The following SLC22A3 variants were observed in gnomAD, a reference collection of about 807,000 sequenced individuals.
The protein encoded by SLC22A3 is solute carrier family 22 member 3, also known as EMT organic cation transporter 3.
SLC22A3 carries 51 observed loss-of-function variants against 59.1 expected under a neutral mutation model. That is an observed-to-expected ratio of 0.86 (90% CI 0.69 to 1.09). The LOEUF (loss-of-function observed/expected upper bound fraction) is 1.09, where lower values mean the gene tolerates loss of function less well. Ranked by LOEUF, SLC22A3 falls within the 50% of genes least tolerant of loss-of-function variation. The pLI is 0.00. For synonymous variants in SLC22A3, 325 were observed against 292.0 expected (o/e 1.11, Z -1.15); for missense variants, 711 against 726.3 (o/e 0.98, Z 0.24).
intron 5 of SLC22A3, among the ~76,000 whole-genome samples, chr6:160,411,905 T>C (rs1787267911): frequency 6.6e-6 from 1 of 152,194 alleles, no homozygotes; most frequent in South Asian, 2.1e-4. Context: ...CTCCAAAGAC[T>C]AAGTGACTAC....
At chr6:160,379,611 C>T (rs1785722839) in intron 1 of SLC22A3, among the ~76,000 whole-genome samples, 2 of 152,042 alleles carry the variant, frequency 1.3e-5, no homozygotes, top group South Asian at 2.1e-4. Context: ...AACACTTGGC[C>T]CATTTTTGGC....
intron 1 of SLC22A3, among the ~76,000 whole-genome samples, chr6:160,370,568 A>G (rs1313917834): frequency 4.6e-5 from 7 of 152,224 alleles, no homozygotes; most frequent in Non-Finnish European, 1.0e-4. Context: ...CAATATGTAC[A>G]TTGGATTTAG....
At chr6:160,369,329 T>C (rs1430645361) in intron 1 of SLC22A3, among the ~76,000 whole-genome samples, 2 of 152,198 alleles carry the variant, frequency 1.3e-5, no homozygotes, top group African/African-American at 2.4e-5. Context: ...ATGCTAACAT[T>C]TTCCAGACTA....
intron 5 of SLC22A3, among the ~76,000 whole-genome samples, chr6:160,420,684 G>C (rs763199037): frequency 6.6e-6 from 1 of 152,188 alleles, no homozygotes; most frequent in Non-Finnish European, 1.5e-5. Flanking sequence ...CCAAAAAAAT[G>C]TCTCAGGCAA....
chr6:160,446,038 T>A (rs1788730431), intron 9 of SLC22A3, among the ~76,000 whole-genome samples: 1 of 152,018 alleles, frequency 6.6e-6, no homozygotes, highest in African/African-American at 2.4e-5. Flanking sequence ...GCAGGAGGCC[T>A]AGGACAGAGA....
At chr6:160,357,396 C>T (rs1243880829) in intron 1 of SLC22A3, among the ~76,000 whole-genome samples, 1 of 152,136 alleles carries the variant, frequency 6.6e-6, no homozygotes, top group Non-Finnish European at 1.5e-5. Flanking sequence ...ACACTTCTGC[C>T]AACGGGAAGC....
At chr6:160,399,123 TTC>T (rs1192586202) in intron 2 of SLC22A3, among the ~76,000 whole-genome samples, 1 of 152,176 alleles carries the variant, frequency 6.6e-6, no homozygotes, top group Non-Finnish European at 1.5e-5. Flanking sequence ...CACTTTTTCT[TTC>T]TCTTTCATGT....
At chr6:160,422,293 A>G (rs1246471742) in intron 5 of SLC22A3, among the ~76,000 whole-genome samples, 1 of 152,238 alleles carries the variant, frequency 6.6e-6, no homozygotes, top group Non-Finnish European at 1.5e-5. Context: ...AAAGTAAGTA[A>G]GTGAGAAAAC....
Position 160,348,411 on chromosome 6 carries a change from G to T in SLC22A3, c.-9G>T, listed in dbSNP as rs771162735. 7 of 1,449,546 alleles carry T rather than the reference G, an allele frequency of 4.8e-6. No homozygotes were observed. Among genetic ancestry groups the T allele is most frequent in the Non-Finnish European group, 6.3e-6 (7 of 1,107,008 alleles). 89.8% of individuals were successfully genotyped at this position (1,449,546 alleles called of 1,614,324 possible). On this transcript the variant is annotated 5_prime_UTR_variant, in exon 1 of 11. Transcript: ENST00000275300. Reference sequence around the variant, plus strand: ...GCGCGGGCTGCGGGCGGCGGGCGGCGGGCGCACCATGCCCTCCTTCGACGA... The same window carrying T: ...GCGCGGGCTGCGGGCGGCGGGCGGCTGGCGCACCATGCCCTCCTTCGACGA...
rs769783404 is a variant in SLC22A3 at position 160,447,715 on chromosome 6, A to G, written c.1511-4A>G. ...AGCGGTAACACCTTTCCCCTATTCC[A>G]TAGGTATCCTGGCATCCATCTGTGG... On this transcript the variant is annotated splice_region_variant and splice_polypyrimidine_tract_variant and intron_variant, in intron 9 of 10. Coordinates refer to ENST00000275300, the MANE Select transcript of SLC22A3 (RefSeq NM_021977.4). 2.5e-6 allele frequency: 4 copies of G among 1,613,544 alleles called. No homozygotes were observed. The highest frequency in any genetic ancestry group is 1.7e-6 in the Non-Finnish European group (2 of 1,179,512).
chr6:160,415,300 C>T lies in SLC22A3; in HGVS notation c.975+4454C>T, dbSNP rs577632301. Among the ~76,000 whole-genome samples the T allele has an allele frequency of 7.2e-5, 11 of 152,300 alleles. No homozygotes were observed. Among genetic ancestry groups the T allele is most frequent in the South Asian group, 2.1e-4 (1 of 4,830 alleles). On this transcript the variant is annotated intron_variant, in intron 5 of 10. Transcript: ENST00000275300. The surrounding 1 kb of genome is among the most constrained non-coding windows in gnomAD (Gnocchi z 4.1). ...TGAGCAGAAAACCTCTTCGTGATGA[C>T]GCAGAAGGACTGGCCAGCAGGGTAG... is the stretch of plus-strand genomic sequence containing the variant.
chr6:160,438,168 G>A (rs1788419483), intron 7 of SLC22A3, among the ~76,000 whole-genome samples: 1 of 152,166 alleles, frequency 6.6e-6, no homozygotes, highest in Admixed American at 6.5e-5. Flanking sequence ...CTCCATGCCT[G>A]GTAGATGGGG....
chr6:160,425,062 A>C (rs1211860633), intron 5 of SLC22A3, among the ~76,000 whole-genome samples: 1 of 152,192 alleles, frequency 6.6e-6, no homozygotes, highest in Non-Finnish European at 1.5e-5. Context: ...TTTGATGTCA[A>C]CTAAGTGAAA....
intron 8 of SLC22A3, 30 bp from the exon 9 acceptor site, chr6:160,443,600 T>A (rs760208753): frequency 5.9e-5 from 84 of 1,432,072 alleles, no homozygotes; most frequent in Non-Finnish European, 7.9e-5. Context: ...TTGAAATAGT[T>A]TTCACTTAAA....
chr6:160,419,722 TCATC>T (rs1299452949), intron 5 of SLC22A3, among the ~76,000 whole-genome samples: 1 of 152,182 alleles, frequency 6.6e-6, no homozygotes, highest in Non-Finnish European at 1.5e-5. Flanking sequence ...AGCAAAGCCT[TCATC>T]TTTAAAATGA....
At chr6:160,355,737 A>C (rs1224375598) in intron 1 of SLC22A3, among the ~76,000 whole-genome samples, 1 of 152,048 alleles carries the variant, frequency 6.6e-6, no homozygotes, top group Non-Finnish European at 1.5e-5. Flanking sequence ...GCACCACTGC[A>C]CTCCAGCCTG....
chr6:160,403,113 C>T (rs2457014), intron 2 of SLC22A3, among the ~76,000 whole-genome samples: 127,114 of 151,050 alleles, frequency 0.84, 54,025 homozygotes, highest in East Asian at 1. Flanking sequence ...TTGAAACGAT[C>T]AAAAAAAATC....
chr6:160,425,916 G>A, intron 5 of SLC22A3: 1 of 985,434 alleles, frequency 1.0e-6, no homozygotes, highest in Non-Finnish European at 1.2e-6. Flanking sequence ...CAACATTCAG[G>A]ATTGGAATTC....
chr6:160,381,721 A>G lies in SLC22A3; in HGVS notation c.430-16258A>G, dbSNP rs143148273. The stretch of plus-strand genomic sequence containing the variant: ...TAGCAAAGAGATTATTATGATGTCT[A>G]TTTTCAGCCATGATTTTTCTACCAA... On this transcript the variant is annotated intron_variant, in intron 1 of 10. Coordinates refer to ENST00000275300, the MANE Select transcript of SLC22A3 (RefSeq NM_021977.4). Among the ~76,000 whole-genome samples the G allele has an allele frequency of 3.7e-3, 556 of 152,274 alleles. 2 individuals are homozygous for G. Among genetic ancestry groups the G allele is most frequent in the Non-Finnish European group, 6.3e-3 (428 of 68,020 alleles).
Sources: allele counts gnomAD v4.1 joint callset (sites outside exome capture counted in the v4.1 genomes callset), GRCh38; gene constraint gnomAD v4.1.1; non-coding constraint Gnocchi (gnomAD v3.1); transcripts MANE v1.5; gene names NCBI Gene and HGNC (gene_info 2026-07-23, HGNC 2026-07-21).